The following TLE1 variants were observed in gnomAD, a reference collection of about 807,000 sequenced individuals.
TLE1 encodes TLE family member 1, transcriptional corepressor, also known as transducin-like enhancer protein 1.
In TLE1, 21 loss-of-function variants were observed where a neutral mutation model predicts 89.8. The observed-to-expected ratio is 0.23, with a 90% confidence interval of 0.17 to 0.34. The LOEUF (loss-of-function observed/expected upper bound fraction) is 0.34. Ranked by LOEUF, TLE1 falls within the 10% of genes least tolerant of loss-of-function variation. The pLI, the probability that TLE1 is intolerant of heterozygous loss-of-function variation, is 1.00. For synonymous variants in TLE1, 447 were observed against 407.6 expected (o/e 1.10, Z -1.16); for missense variants, 795 against 1,031.2 (o/e 0.77, Z 3.14).
intron 11 of TLE1, among the ~76,000 whole-genome samples, chr9:81,615,715 A>C (rs1414913117): frequency 8.8e-6 from 1 of 114,010 alleles, no homozygotes; most frequent in East Asian, 2.3e-4. Flanking sequence ...TCCGTCTCAA[A>C]AAAAAAAAAA....
chr9:81,650,605 CAAGAA>C (rs1420225608), intron 6 of TLE1, among the ~76,000 whole-genome samples: 2 of 151,968 alleles, frequency 1.3e-5, no homozygotes, highest in African/African-American at 2.4e-5. Context: ...ATTCATTACA[CAAGAA>C]AAGGGTACAG....
At chr9:81,666,808 TA>T (rs1181713745) in intron 4 of TLE1, among the ~76,000 whole-genome samples, 10 of 133,156 alleles carry the variant, frequency 7.5e-5, no homozygotes, top group African/African-American at 2.4e-4. Context: ...AATAAATAAA[TA>T]AAATAAAATA....
intron 4 of TLE1, among the ~76,000 whole-genome samples, chr9:81,671,580 G>A (rs1432623146): frequency 2.0e-5 from 3 of 151,860 alleles, no homozygotes; most frequent in East Asian, 1.9e-4. Flanking sequence ...GGGAGGCGAA[G>A]CTTGCAGTGA....
At position 81,583,867 on chromosome 9, in the gene TLE1, A is replaced by G. The variant is rs929727356; in HGVS notation, c.*331T>C. 3 of 271,672 alleles carry G rather than the reference A, an allele frequency of 1.1e-5. No individual in the cohort carries two copies. The highest frequency in any genetic ancestry group is 6.4e-5 in the African/African-American group (3 of 47,050). The allele number at this position is 271,672 out of a possible 1,614,324, so 16.8% of individuals were successfully genotyped here. A position where few individuals can be genotyped will look rare whatever the true frequency, so the allele number is the denominator to read the frequency against. ...GGTGAACTGCAAGGAACAGAAAGGT[A>G]ATCTCACACTTGGGCAAGGCGTGAT... On this transcript the variant is annotated 3_prime_UTR_variant, in exon 20 of 20. Coordinates refer to ENST00000376499, the MANE Select transcript of TLE1 (RefSeq NM_005077.5).
chr9:81,660,557 G>A (rs1830639447), intron 4 of TLE1, among the ~76,000 whole-genome samples: 2 of 151,562 alleles, frequency 1.3e-5, no homozygotes, highest in Non-Finnish European at 2.9e-5. Flanking sequence ...GGGACTACAG[G>A]TGCCTGCTAC....
At chr9:81,680,720 T>C (rs1297112453) in intron 4 of TLE1, among the ~76,000 whole-genome samples, 11 of 152,004 alleles carry the variant, frequency 7.2e-5, no homozygotes, top group Admixed American at 5.9e-4. Flanking sequence ...TTTTAACTTA[T>C]GCTTGCAAAG....
At chr9:81,644,463 C>T (rs1183566307) in intron 6 of TLE1, among the ~76,000 whole-genome samples, 2 of 152,090 alleles carry the variant, frequency 1.3e-5, no homozygotes, top group African/African-American at 2.4e-5. Flanking sequence ...GCCAGGCATA[C>T]AAGGCTACAT....
chr9:81,685,020 T>A (rs1452809723), intron 4 of TLE1, among the ~76,000 whole-genome samples: 1 of 152,208 alleles, frequency 6.6e-6, no homozygotes, highest in Non-Finnish European at 1.5e-5. Flanking sequence ...TCATAGTCAT[T>A]GCTAGAGCTT....
chr9:81,682,537 T>C (rs1023158825), intron 4 of TLE1, among the ~76,000 whole-genome samples: 3 of 152,212 alleles, frequency 2.0e-5, no homozygotes, highest in African/African-American at 7.2e-5. Flanking sequence ...ATGAGTGGGC[T>C]AAAATAAGGT....
chr9:81,617,591 A>C (rs1434875208), intron 9 of TLE1, among the ~76,000 whole-genome samples: 1 of 152,158 alleles, frequency 6.6e-6, no homozygotes, highest in East Asian at 1.9e-4. Context: ...AGTCACAGCT[A>C]TTCAGGCAGC....
In TLE1 at chr9:81,673,027, C is replaced by T. The variant is rs189975654; in HGVS notation, c.234+12649G>A. Among the ~76,000 whole-genome samples the T allele has an allele frequency of 2.0e-3, 304 of 151,904 alleles. 1 individual carries two copies. Among genetic ancestry groups the T allele is most frequent in the African/African-American group, 7.0e-3 (291 of 41,436 alleles). ...GTGGCTCACGCCTGTAATCCCAGCA[C>T]TTTGGGAGGCTGAGGGAGGCAGATT... On this transcript the variant is annotated intron_variant, in intron 4 of 19. Transcript: ENST00000376499.
At chr9:81,603,080 C>T (rs992572963) in intron 14 of TLE1, among the ~76,000 whole-genome samples, 3 of 152,210 alleles carry the variant, frequency 2.0e-5, no homozygotes, top group African/African-American at 7.2e-5. Flanking sequence ...TTGACAACAG[C>T]GTGAAGTCAC....
intron 4 of TLE1, among the ~76,000 whole-genome samples, chr9:81,675,921 G>A (rs1348181547): frequency 6.6e-6 from 1 of 151,838 alleles, no homozygotes; most frequent in Admixed American, 6.6e-5. Context: ...GGATGGTCTC[G>A]ATCTCCTGAC....
At chr9:81,652,632 A>G (rs1483530491) in intron 5 of TLE1, among the ~76,000 whole-genome samples, 2 of 152,218 alleles carry the variant, frequency 1.3e-5, no homozygotes, top group Non-Finnish European at 2.9e-5. Context: ...AAAGGGGTTC[A>G]TAAGTTTACA....
chr9:81,623,078 G>T (rs1013284204), intron 8 of TLE1, among the ~76,000 whole-genome samples: 2 of 152,130 alleles, frequency 1.3e-5, no homozygotes, highest in African/African-American at 4.8e-5. Flanking sequence ...AATGAGCTTC[G>T]CTGGCAGCAA....
intron 14 of TLE1, among the ~76,000 whole-genome samples, chr9:81,601,062 C>T (rs1402861412): frequency 6.6e-6 from 1 of 152,150 alleles, no homozygotes; most frequent in South Asian, 2.1e-4. Context: ...TCTCCATATC[C>T]ATATCTATAG....
rs1267812915 is a variant in TLE1, at chr9:81,616,960, A to G, written c.712-261T>C. 2.0e-5 allele frequency among the ~76,000 whole-genome samples: 3 copies of G among 152,206 alleles called. No homozygotes were observed. In the East Asian group the frequency reaches 5.8e-4, roughly 29 times the overall value. On this transcript the variant is annotated intron_variant, in intron 9 of 19. Coordinates refer to ENST00000376499, the MANE Select transcript of TLE1 (RefSeq NM_005077.5). ...AACTATCCAATCACAACTTGTTTAC[A>G]GGTGATGGCAAGTTGCAAATACTTG...
At chr9:81,648,943 A>C (rs1194750045) in intron 6 of TLE1, among the ~76,000 whole-genome samples, 3 of 152,202 alleles carry the variant, frequency 2.0e-5, no homozygotes, top group Non-Finnish European at 2.9e-5. Context: ...GTGTCAAACC[A>C]AATAAACCTT....
chr9:81,596,699 C>G (rs554957220), intron 14 of TLE1, among the ~76,000 whole-genome samples: 3 of 152,106 alleles, frequency 2.0e-5, no homozygotes, highest in Non-Finnish European at 2.9e-5. Flanking sequence ...TGGAAATGAC[C>G]GCATTTCTAG....
Sources: gnomAD v4.1 joint callset for allele counts (sites outside exome capture counted in the v4.1 genomes callset) on GRCh38, gnomAD v4.1.1 for gene constraint, MANE v1.5 for transcripts, NCBI Gene and HGNC (gene_info 2026-07-23, HGNC 2026-07-21) for gene names.